EPHA5: variants seen among roughly 807,000 people sequenced by gnomAD.
The protein encoded by EPHA5 is EPH receptor A5.
In EPHA5, 60 loss-of-function variants were observed where a neutral mutation model predicts 105.0. The ratio of observed to expected loss-of-function variants is 0.57; its 90% CI spans 0.46 to 0.71. The LOEUF (loss-of-function observed/expected upper bound fraction) is 0.71. Ranked by LOEUF, EPHA5 falls within the 30% of genes least tolerant of loss-of-function variation. The pLI, the probability that EPHA5 is intolerant of heterozygous loss-of-function variation, is 0.00. For synonymous variants in EPHA5, 513 were observed against 449.1 expected, an observed-to-expected ratio of 1.14 and a Z score of -1.80; for missense variants, 1,218 against 1,274.7, an observed-to-expected ratio of 0.96 and a Z score of 0.68.
intron 3 of EPHA5, among the ~76,000 whole-genome samples, chr4:65,575,943 C>T (rs146425065): frequency 0.01 from 1,520 of 147,138 alleles, 8 homozygotes; most frequent in Non-Finnish European, 0.016. Context: ...TGCCACTGCA[C>T]TGCAGTCTGG....
chr4:65,467,220 A>G (rs1358227013), intron 5 of EPHA5, among the ~76,000 whole-genome samples: 2 of 152,208 alleles, frequency 1.3e-5, no homozygotes, highest in Admixed American at 6.5e-5. Flanking sequence ...TCAGAATGAC[A>G]TATATAAAGA....
intron 3 of EPHA5, among the ~76,000 whole-genome samples, chr4:65,522,508 C>A (rs944929492): frequency 5.3e-5 from 8 of 151,720 alleles, no homozygotes; most frequent in African/African-American, 1.9e-4. Flanking sequence ...ATCTGGAGTA[C>A]TGAGACTTAC....
chr4:65,428,524 G>T (rs1724669149), intron 5 of EPHA5, among the ~76,000 whole-genome samples: 1 of 152,020 alleles, frequency 6.6e-6, no homozygotes, highest in African/African-American at 2.4e-5. Flanking sequence ...CATCTTAAAA[G>T]CCTGCAACTG....
chr4:65,390,986 A>G (rs917737822), intron 8 of EPHA5, among the ~76,000 whole-genome samples: 2 of 152,072 alleles, frequency 1.3e-5, no homozygotes, highest in African/African-American at 4.8e-5. Context: ...GGCCTCAGGA[A>G]ACTTACAATC....
At chr4:65,417,869 A>C (rs1723542837) in intron 6 of EPHA5, among the ~76,000 whole-genome samples, 1 of 152,130 alleles carries the variant, frequency 6.6e-6, no homozygotes, top group African/African-American at 2.4e-5. Context: ...TTAATATTGA[A>C]TATTATATAC....
intron 11 of EPHA5, 39 bp from the exon 12 acceptor site, chr4:65,353,142 G>A (rs770584844): frequency 2.2e-6 from 3 of 1,337,836 alleles, no homozygotes; most frequent in African/African-American, 1.5e-5. Flanking sequence ...GCTGCTCTTC[G>A]ATTTTGCATT....
chr4:65,621,690 G>A (rs1745718286), intron 2 of EPHA5, among the ~76,000 whole-genome samples: 1 of 152,104 alleles, frequency 6.6e-6, no homozygotes, highest in African/African-American at 2.4e-5. Context: ...GGTGCCCAGG[G>A]ACAAAGACAC....
Position 65,320,405 on chromosome 4 carries a change from G to A in EPHA5, c.*3709C>T, listed in dbSNP as rs1421705186. On this transcript the variant is annotated 3_prime_UTR_variant, in exon 17 of 17. Coordinates refer to ENST00000613740, the MANE Select transcript of EPHA5 (RefSeq NM_001281766.3). The stretch of plus-strand genomic sequence containing the variant: ...TGCTTAATTTGAAGTTAAACATCTG[G>A]CAGGACATTAGCAAAGACAGTTTAC... 8.7e-6 allele frequency: 2 copies of A among 229,696 alleles called. No homozygotes were observed. The highest frequency in any genetic ancestry group is 1.8e-4 in the South Asian group (1 of 5,490). The allele number at this position is 229,696 out of a possible 1,614,324, so 14.2% of individuals were successfully genotyped here. A position where few individuals can be genotyped will look rare whatever the true frequency, so the allele number is the denominator to read the frequency against.
rs1331418601 is a variant in EPHA5 at position 65,490,632 on chromosome 4, T to A, written c.1147A>T (p.Thr383Ser). Residue 383 changes from threonine to serine, a missense_variant, in exon 5 of 17, where the codon ACT becomes TCT. Coordinates refer to ENST00000613740, the MANE Select transcript of EPHA5 (RefSeq NM_001281766.3). ...VFLEWIPPAD[T>S]GGRKDVSYYI... The stretch of plus-strand genomic sequence containing the variant: ...TATGACACGTCTTTCCTTCCACCAG[T>A]GTCAGCAGGCGGAATCCATTCCAGA... 3 of 1,614,140 alleles carry A rather than the reference T, an allele frequency of 1.9e-6. No individual in the cohort carries two copies. Among genetic ancestry groups the A allele is most frequent in the Non-Finnish European group, 2.5e-6 (3 of 1,180,010 alleles).
chr4:65,336,436 A>C (rs1721195089), intron 14 of EPHA5, among the ~76,000 whole-genome samples: 1 of 152,126 alleles, frequency 6.6e-6, no homozygotes, highest in Non-Finnish European at 1.5e-5. Flanking sequence ...TATACAGTTC[A>C]TGTTTTATTT....
At chr4:65,516,609 G>T (rs1578309521) in intron 3 of EPHA5, among the ~76,000 whole-genome samples, 1 of 151,786 alleles carries the variant, frequency 6.6e-6, no homozygotes, top group Non-Finnish European at 1.5e-5. Flanking sequence ...TTTCCTACTG[G>T]TTCTGTTTTT....
rs372817406 is a variant in EPHA5, at chr4:65,400,546, G to C, written c.1793+3828C>G. 1.8e-4 allele frequency among the ~76,000 whole-genome samples: 28 copies of C among 152,006 alleles called. No homozygotes were observed. The East Asian group carries it at 4.3e-3, about 23-fold the overall frequency. On this transcript the variant is annotated intron_variant, in intron 8 of 16. Transcript: ENST00000613740. ...TTAAATAGGATTTTTCCTTCAAGAT[G>C]GATACTTTACATTATTTTAAATTGT...
intron 11 of EPHA5, among the ~76,000 whole-genome samples, chr4:65,361,056 T>A (rs577608945): frequency 1.3e-5 from 2 of 151,850 alleles, no homozygotes; most frequent in South Asian, 2.1e-4. Context: ...GTGCTACACC[T>A]GTTGGGCTTG....
intron 5 of EPHA5, among the ~76,000 whole-genome samples, chr4:65,449,357 C>A (rs1726861634): frequency 6.6e-6 from 1 of 152,148 alleles, no homozygotes; most frequent in African/African-American, 2.4e-5. Context: ...GCCTTTTGCA[C>A]TGACTTACAT....
intron 16 of EPHA5, among the ~76,000 whole-genome samples, chr4:65,329,542 C>T (rs1008197467): frequency 9.3e-5 from 14 of 151,274 alleles, no homozygotes; most frequent in Admixed American, 3.3e-4. Flanking sequence ...TTGGACTATT[C>T]GCTTTATATT....
rs35934629 is a variant in EPHA5, at chr4:65,476,099, T to TGAGAGAGA, written c.1402+14270_1402+14277dup. ...CAAACACTCCCTGCATCAAAATCAC[T>TGAGAGAGA]GAGAGAGAGAGAGAGAGAGAGAGAG... On this transcript the variant is annotated intron_variant, in intron 5 of 16. Coordinates refer to ENST00000613740, the MANE Select transcript of EPHA5 (RefSeq NM_001281766.3). Among the ~76,000 whole-genome samples the TGAGAGAGA allele has an allele frequency of 8.4e-3, 1,162 of 138,098 alleles. 22 individuals carry two copies. The highest frequency in any genetic ancestry group is 0.026 in the African/African-American group (917 of 35,906). 90.6% of individuals were successfully genotyped at this position (138,098 alleles called of 152,430 possible).
intron 13 of EPHA5, among the ~76,000 whole-genome samples, chr4:65,350,220 A>T (rs545017933): frequency 6.6e-6 from 1 of 152,130 alleles, no homozygotes. Context: ...AATGAAAATA[A>T]TGACACTGAT....
Position 65,350,212 on chromosome 4 carries a change from T to C in EPHA5, c.2445+1177A>G, listed in dbSNP as rs1722683363. ...AATTCTTAATTGAGTTTTCATGTAA[T>C]GAAAATAATGACACTGATAGGTCTG... On this transcript the variant is annotated intron_variant, in intron 13 of 16. Coordinates refer to ENST00000613740, the MANE Select transcript of EPHA5 (RefSeq NM_001281766.3). Among the ~76,000 whole-genome samples, 8 of 152,218 alleles carry C rather than the reference T, an allele frequency of 5.3e-5. No individual in the cohort carries two copies. In the South Asian group the frequency reaches 1.7e-3, roughly 32 times the overall value.
intron 6 of EPHA5, among the ~76,000 whole-genome samples, 189 bp downstream of exon 6, chr4:65,420,252 T>A (rs904132653): frequency 6.6e-6 from 1 of 152,180 alleles, no homozygotes; most frequent in African/African-American, 2.4e-5. Flanking sequence ...GTGTAAACTA[T>A]GTGGCAGCAG....
Sources: allele counts gnomAD v4.1 joint callset (sites outside exome capture counted in the v4.1 genomes callset), GRCh38; gene constraint gnomAD v4.1.1; transcripts MANE v1.5; gene names NCBI Gene and HGNC (gene_info 2026-07-23, HGNC 2026-07-21).